The following DLGAP2 variants were observed in gnomAD, a reference collection of about 807,000 sequenced individuals.
DLGAP2 encodes DLG associated protein 2.
A neutral mutation model predicts 100.3 loss-of-function variants in DLGAP2; 26 were observed. The ratio of observed to expected loss-of-function variants is 0.26; its 90% CI spans 0.19 to 0.36. The LOEUF (loss-of-function observed/expected upper bound fraction) is 0.36, where lower values mean the gene tolerates loss of function less well. DLGAP2 is among the 10% of genes least tolerant of loss of function. DLGAP2 has a pLI of 1.00. For synonymous variants in DLGAP2, 886 were observed against 630.1 expected, an observed-to-expected ratio of 1.41 and a Z score of -6.08; for missense variants, 1,858 against 1,453.2, an observed-to-expected ratio of 1.28 and a Z score of -4.53.
intron 3 of DLGAP2, among the ~76,000 whole-genome samples, chr8:1,394,409 A>G (rs1174941209): frequency 0.059 from 2 of 34 alleles, no homozygotes; most frequent in Non-Finnish European, 0.033. Context: ...TCGTCCTCCA[A>G]AGTCGTGTAT....
intron 2 of DLGAP2, chr8:1,246,902 C>T (rs1362290088): frequency 6.1e-5 from 4 of 65,842 alleles, no homozygotes; most frequent in African/African-American, 3.0e-4. Context: ...TGGTGTCCAG[C>T]AAGACCTTTG....
intron 3 of DLGAP2, among the ~76,000 whole-genome samples, chr8:1,447,126 T>C (rs1798003211): frequency 6.6e-6 from 1 of 152,216 alleles, no homozygotes; most frequent in African/African-American, 2.4e-5. Context: ...CTTCCAGCAC[T>C]AGGTTGAATA....
At chr8:842,276 C>A (rs1390453423) in intron 1 of DLGAP2, among the ~76,000 whole-genome samples, 2 of 152,174 alleles carry the variant, frequency 1.3e-5, no homozygotes, top group Non-Finnish European at 2.9e-5. Flanking sequence ...AGCGATTGTA[C>A]GTTGCTGTCA....
rs556764951 is a variant in DLGAP2, at chr8:1,045,516, G to T, written c.73+137550G>T. Among the ~76,000 whole-genome samples the T allele has an allele frequency of 1.2e-4, 19 of 152,204 alleles. No homozygotes were observed. The South Asian group carries it at 3.9e-3, about 32-fold the overall frequency. ...TTCTTGGATGAAACCCTTAAAATCT[G>T]CCCTCTTAGCAGTTTTCCACTATGC... On this transcript the variant is annotated intron_variant, in intron 2 of 14. Transcript: ENST00000637795.
intron 3 of DLGAP2, among the ~76,000 whole-genome samples, chr8:1,367,272 C>G (rs758602054): frequency 6.6e-6 from 1 of 152,224 alleles, no homozygotes; most frequent in Non-Finnish European, 1.5e-5. Context: ...TAACACAGAA[C>G]ATGCAAACTC....
At chr8:925,771 A>G (rs772396402) in intron 2 of DLGAP2, among the ~76,000 whole-genome samples, 49 of 152,148 alleles carry the variant, frequency 3.2e-4, no homozygotes, top group Non-Finnish European at 5.9e-4. Context: ...CGAGTCTGAG[A>G]TCTGCTCAGC....
rs1301086119 is a variant in DLGAP2 at position 1,349,500 on chromosome 8, A to G, written c.106+90617A>G. Among the ~76,000 whole-genome samples, 131 of 144,850 alleles carry G rather than the reference A, an allele frequency of 9.0e-4. 2 individuals are homozygous for G. Among genetic ancestry groups the G allele is most frequent in the African/African-American group, 3.0e-3 (117 of 39,198 alleles). On this transcript the variant is annotated intron_variant, in intron 3 of 14. Coordinates refer to ENST00000637795, the MANE Select transcript of DLGAP2 (RefSeq NM_001346810.2). ...ATGAGCCTCCCGCCCACATCCACAC[A>G]CAGGTAGAAAGGGGTGTTTGAGGGG... is the stretch of plus-strand genomic sequence containing the variant.
chr8:973,290 C>G (rs532540585), intron 2 of DLGAP2, among the ~76,000 whole-genome samples: 3 of 148,304 alleles, frequency 2.0e-5, no homozygotes, highest in African/African-American at 7.4e-5. Flanking sequence ...GCTGGCCGGG[C>G]GGGGGCTGTC....
chr8:1,654,919 G>T (rs10448098), intron 8 of DLGAP2, among the ~76,000 whole-genome samples: 51,409 of 152,030 alleles, frequency 0.34, 8,806 homozygotes, highest in East Asian at 0.48. Flanking sequence ...AAACGTTGAT[G>T]CATTCTCAGT....
chr8:1,167,480 G>A (rs747013472), intron 2 of DLGAP2, among the ~76,000 whole-genome samples: 3 of 152,100 alleles, frequency 2.0e-5, no homozygotes, highest in African/African-American at 7.2e-5. Context: ...TCAAACCCAT[G>A]GTGTTTCTAC....
At chr8:1,116,977 C>T (rs993757138) in intron 2 of DLGAP2, among the ~76,000 whole-genome samples, 16 of 152,326 alleles carry the variant, frequency 1.1e-4, no homozygotes, top group South Asian at 2.1e-4. Flanking sequence ...ATCCCAGGAT[C>T]GCTTCTGCCA....
At chr8:1,068,317 G>C (rs1310010598) in intron 2 of DLGAP2, among the ~76,000 whole-genome samples, 1 of 152,214 alleles carries the variant, frequency 6.6e-6, no homozygotes, top group Non-Finnish European at 1.5e-5. Flanking sequence ...GGGTAAATAT[G>C]AAGGCATGCA....
In DLGAP2 at chr8:1,439,121, C is replaced by T. The variant is rs113235086; in HGVS notation, c.107-62245C>T. 4.6e-3 allele frequency among the ~76,000 whole-genome samples: 694 copies of T among 152,246 alleles called. 1 individual carries two copies. The highest frequency in any genetic ancestry group is 6.4e-3 in the Non-Finnish European group (433 of 68,030). On this transcript the variant is annotated intron_variant, in intron 3 of 14. Transcript: ENST00000637795. ...TGAGAAAGTGGTGACTTTATCCTCC[C>T]TAATGATTTATGGAGCCACGTGGAG...
intron 3 of DLGAP2, among the ~76,000 whole-genome samples, chr8:1,435,947 T>C (rs1322576769): frequency 6.6e-6 from 1 of 152,140 alleles, no homozygotes; most frequent in East Asian, 1.9e-4. Flanking sequence ...AGAAAAATAT[T>C]TGTACAGCTG....
intron 2 of DLGAP2, among the ~76,000 whole-genome samples, chr8:1,022,078 C>T (rs1257913665): frequency 1.3e-5 from 2 of 152,182 alleles, no homozygotes; most frequent in South Asian, 2.1e-4. Context: ...TTGTCACCAG[C>T]GAACAGGTGC....
chr8:1,219,231 C>G (rs1414494808), intron 2 of DLGAP2, among the ~76,000 whole-genome samples: 1 of 152,126 alleles, frequency 6.6e-6, no homozygotes, highest in Non-Finnish European at 1.5e-5. Flanking sequence ...AGCTTTTACC[C>G]ATTCAATATG....
At chr8:815,798 C>G (rs990980256) in intron 1 of DLGAP2, among the ~76,000 whole-genome samples, 1 of 152,142 alleles carries the variant, frequency 6.6e-6, no homozygotes, top group East Asian at 1.9e-4. Flanking sequence ...CAAGAGGATA[C>G]AAAAGAAGAA....
chr8:1,261,626 G>C (rs973154850), intron 3 of DLGAP2, among the ~76,000 whole-genome samples: 1 of 152,244 alleles, frequency 6.6e-6, no homozygotes, highest in Non-Finnish European at 1.5e-5. Flanking sequence ...TCACTGGGCT[G>C]CGGTTCTCTG....
chr8:1,349,038 A>G lies in DLGAP2; in HGVS notation c.106+90155A>G, dbSNP rs149396194. ...ACTCATGGTGAGATAAATTAGCTGC[A>G]GGGTGGAGATGCGGCCACTTGCTCC... On this transcript the variant is annotated intron_variant, in intron 3 of 14. Transcript: ENST00000637795. Among the ~76,000 whole-genome samples the G allele has an allele frequency of 5.2e-3, 786 of 151,974 alleles. 5 individuals are homozygous for G. Among genetic ancestry groups the G allele is most frequent in the African/African-American group, 0.018 (752 of 41,464 alleles).
Sources: gnomAD v4.1 joint callset for allele counts (sites outside exome capture counted in the v4.1 genomes callset) on GRCh38, gnomAD v4.1.1 for gene constraint, MANE v1.5 for transcripts, NCBI Gene and HGNC (gene_info 2026-07-23, HGNC 2026-07-21) for gene names.